Variants in PDE4D observed in about 807,000 individuals in gnomAD.
PDE4D encodes phosphodiesterase 4D, also known as 3',5'-cyclic-AMP phosphodiesterase 4D.
In PDE4D, 24 loss-of-function variants were observed where a neutral mutation model predicts 87.4. That is an observed-to-expected ratio of 0.27 (90% confidence interval 0.20 to 0.39). The LOEUF is 0.39. Ranked by LOEUF, PDE4D falls within the 10% of genes least tolerant of loss-of-function variation. The probability of loss-of-function intolerance (pLI) is 1.00; values close to 1 mark genes in which losing one functional copy is unlikely to be tolerated. For missense variants in PDE4D, 714 were observed against 1,041.0 expected, an observed-to-expected ratio of 0.69 and a Z score of 4.32; for synonymous variants, 384 against 383.2, an observed-to-expected ratio of 1.00 and a Z score of -0.02.
chr5:60,181,187 A>G (rs768116895), intron 2 of PDE4D, among the ~76,000 whole-genome samples: 2 of 152,126 alleles, frequency 1.3e-5, no homozygotes, highest in Non-Finnish European at 2.9e-5. Context: ...TAAATAACTC[A>G]CCCTGGGTCA....
At chr5:59,718,596 A>G (rs1755365424) in intron 1 of PDE4D, among the ~76,000 whole-genome samples, 1 of 152,174 alleles carries the variant, frequency 6.6e-6, no homozygotes, top group Non-Finnish European at 1.5e-5. Flanking sequence ...GGGCCCTCAT[A>G]AAAGGAAGAT....
At chr5:59,011,726 C>T (rs13354657) in intron 6 of PDE4D, among the ~76,000 whole-genome samples, 1 of 152,136 alleles carries the variant, frequency 6.6e-6, no homozygotes, top group African/African-American at 2.4e-5. Context: ...TTGGAAAACA[C>T]TCTGCAGGAT....
intron 1 of PDE4D, among the ~76,000 whole-genome samples, chr5:60,255,250 A>C (rs1748918474): frequency 6.6e-6 from 1 of 151,900 alleles, no homozygotes; most frequent in Non-Finnish European, 1.5e-5. Context: ...GACAGACATC[A>C]CTATGTGGGA....
intron 1 of PDE4D, among the ~76,000 whole-genome samples, chr5:60,305,170 T>C (rs1374051264): frequency 1.3e-5 from 2 of 151,810 alleles, no homozygotes; most frequent in African/African-American, 2.4e-5. Context: ...AGAAGACTAC[T>C]TGGTGTCCTT....
At chr5:60,046,170 C>G (rs1229649722) in intron 2 of PDE4D, among the ~76,000 whole-genome samples, 2 of 152,126 alleles carry the variant, frequency 1.3e-5, no homozygotes, top group Non-Finnish European at 2.9e-5. Flanking sequence ...CTCTGTTTGT[C>G]TGTTGTTGGT....
chr5:59,291,720 T>TA, intron 1 of PDE4D, among the ~76,000 whole-genome samples: 1 of 139,854 alleles, frequency 7.2e-6, no homozygotes. Context: ...AATTAAAAAT[T>TA]AAAAAAAGTA....
At chr5:59,869,715 A>G (rs1747544630) in intron 1 of PDE4D, among the ~76,000 whole-genome samples, 2 of 152,282 alleles carry the variant, frequency 1.3e-5, no homozygotes, top group South Asian at 2.1e-4. Context: ...CTTGACCTCA[A>G]TCAGCAAAGT....
intron 1 of PDE4D, among the ~76,000 whole-genome samples, chr5:60,254,857 A>G (rs1178421835): frequency 1.3e-5 from 2 of 151,904 alleles, no homozygotes; most frequent in Non-Finnish European, 2.9e-5. Flanking sequence ...AAATTAAATG[A>G]GAAAGCATGC....
At chr5:59,045,665 CACTGGCCATCTCAAAG>C (rs1379105067) in intron 5 of PDE4D, among the ~76,000 whole-genome samples, 2 of 151,924 alleles carry the variant, frequency 1.3e-5, no homozygotes, top group Non-Finnish European at 2.9e-5. Flanking sequence ...AATCCTCAGC[CACTGGCCATCTCAAAG>C]ACTGGCCATG....
intron 6 of PDE4D, chr5:58,999,976 C>T (rs1477789601): frequency 1.1e-6 from 1 of 896,528 alleles, no homozygotes; most frequent in Non-Finnish European, 1.3e-6. Context: ...TCCCATAAAA[C>T]CCCAACTCTG....
At chr5:59,102,617 G>A (rs1770948358) in intron 5 of PDE4D, among the ~76,000 whole-genome samples, 1 of 152,144 alleles carries the variant, frequency 6.6e-6, no homozygotes. Flanking sequence ...ACCCTTCAAA[G>A]GGGAAAAAGC....
At chr5:60,019,258 T>G (rs749489057) in intron 2 of PDE4D, among the ~76,000 whole-genome samples, 46 of 152,258 alleles carry the variant, frequency 3.0e-4, no homozygotes, top group Middle Eastern at 3.4e-3. Flanking sequence ...ATTAAGGCAG[T>G]AGTCAAGAAG....
chr5:59,424,715 T>G (rs1794954352), intron 1 of PDE4D, among the ~76,000 whole-genome samples: 2 of 152,036 alleles, frequency 1.3e-5, no homozygotes, highest in Non-Finnish European at 2.9e-5. Context: ...CCACAGCATG[T>G]GGAGATTAAG....
At chr5:60,492,456 A>G (rs1749583652), upstream of PDE4D, among the ~76,000 whole-genome samples, 1 of 152,190 alleles carries the variant, frequency 6.6e-6, no homozygotes, top group Non-Finnish European at 1.5e-5. Flanking sequence ...AATTGAAAAA[A>G]CATAAATAAA....
chr5:60,038,482 A>C (rs1768075599), intron 2 of PDE4D, among the ~76,000 whole-genome samples: 1 of 151,988 alleles, frequency 6.6e-6, no homozygotes, highest in African/African-American at 2.4e-5. Flanking sequence ...CCACTGATCT[A>C]TATCTCTGTT....
chr5:60,464,012 T>A (rs995197660), intron 1 of PDE4D, among the ~76,000 whole-genome samples: 2 of 152,188 alleles, frequency 1.3e-5, no homozygotes, highest in African/African-American at 4.8e-5. Flanking sequence ...TTAACCCATT[T>A]CTTTCCTTCT....
intron 6 of PDE4D, among the ~76,000 whole-genome samples, chr5:59,013,270 G>A (rs10042425): frequency 6.6e-6 from 1 of 152,006 alleles, no homozygotes. Flanking sequence ...ACATTCAAAA[G>A]CTAGCAGAAG....
At chr5:60,232,024 C>T (rs1745874116) in intron 1 of PDE4D, among the ~76,000 whole-genome samples, 1 of 151,890 alleles carries the variant, frequency 6.6e-6, no homozygotes. Flanking sequence ...TCTCATTAGC[C>T]TTGTTCAAGG....
intron 1 of PDE4D, chr5:60,429,945 A>G (rs6894943): frequency 0.13 from 65,802 of 499,094 alleles, 4,757 homozygotes; most frequent in African/African-American, 0.17. Context: ...TTAAAGTGGT[A>G]ACAGGTACGT....
Sources: gnomAD v4.1 joint callset for allele counts (sites outside exome capture counted in the v4.1 genomes callset) on GRCh38, gnomAD v4.1.1 for gene constraint, MANE v1.5 for transcripts, NCBI Gene and HGNC (gene_info 2026-07-23, HGNC 2026-07-21) for gene names.